NELL1: variants seen among roughly 807,000 people sequenced by gnomAD.
The protein encoded by NELL1 is neural EGFL like 1, also known as protein kinase C-binding protein NELL1.
In NELL1, 76 loss-of-function variants were observed where a neutral mutation model predicts 107.4. The observed-to-expected ratio is 0.71, with a 90% confidence interval of 0.59 to 0.86. The LOEUF is 0.86. NELL1 is among the 40% of genes least tolerant of loss of function. NELL1 has a pLI of 0.00. For synonymous variants in NELL1, 353 were observed against 341.2 expected (o/e 1.03, Z -0.38); for missense variants, 1,024 against 1,005.5 (o/e 1.02, Z -0.25).
chr11:21,250,011 G>A (rs1858597038), intron 14 of NELL1, among the ~76,000 whole-genome samples: 2 of 152,134 alleles, frequency 1.3e-5, no homozygotes, highest in African/African-American at 4.8e-5. Context: ...ATTGGATATG[G>A]TTGATTTATA....
intron 1 of NELL1, among the ~76,000 whole-genome samples, chr11:20,676,136 T>C (rs1590197182): frequency 6.6e-6 from 1 of 152,242 alleles, no homozygotes; most frequent in East Asian, 1.9e-4. Context: ...CCCAGTTTGT[T>C]CCTCGTTTGC....
In NELL1 at chr11:21,113,514, A is replaced by G. The variant is rs996498026; in HGVS notation, c.1301-75A>G. On this transcript the variant is annotated intron_variant, in intron 12 of 19. Transcript: ENST00000357134. ...CTTCTATGGACATTTATCTTTTTTAATTTATCTGCAAAATGATTACACTGT... is the reference window on the plus strand; with the variant it reads ...CTTCTATGGACATTTATCTTTTTTAGTTTATCTGCAAAATGATTACACTGT... The G allele has an allele frequency of 1.3e-5, 18 of 1,437,500 alleles. No individual in the cohort carries two copies. In the African/African-American group the frequency reaches 2.3e-4, roughly 18 times the overall value. The allele number at this position is 1,437,500 out of a possible 1,614,324, so 89.0% of individuals were successfully genotyped here.
chr11:20,700,954 T>C (rs988848495), intron 2 of NELL1, among the ~76,000 whole-genome samples: 43 of 152,324 alleles, frequency 2.8e-4, no homozygotes, highest in African/African-American at 9.9e-4. Context: ...TTGTGAATAG[T>C]GCCACAATAA....
chr11:21,050,832 A>T (rs1853474405), intron 12 of NELL1, among the ~76,000 whole-genome samples: 1 of 152,142 alleles, frequency 6.6e-6, no homozygotes, highest in African/African-American at 2.4e-5. Flanking sequence ...TCTATTCTAG[A>T]TAGCCAAGTG....
At chr11:20,952,764 A>T (rs1177637156) in intron 11 of NELL1, among the ~76,000 whole-genome samples, 1 of 152,226 alleles carries the variant, frequency 6.6e-6, no homozygotes, top group African/African-American at 2.4e-5. Context: ...ATCAAGGTCT[A>T]TGAAGCTTCC....
At chr11:20,856,936 A>G (rs1181431132) in intron 4 of NELL1, among the ~76,000 whole-genome samples, 1 of 152,162 alleles carries the variant, frequency 6.6e-6, no homozygotes, top group East Asian at 1.9e-4. Context: ...AGGTACATGG[A>G]TGTGCTTTGG....
At chr11:20,972,175 T>G (rs1163839223) in intron 12 of NELL1, among the ~76,000 whole-genome samples, 1 of 152,104 alleles carries the variant, frequency 6.6e-6, no homozygotes, top group African/African-American at 2.4e-5. Flanking sequence ...CCTGTACATA[T>G]ATCCCAGAAC....
At chr11:21,304,176 C>T (rs541644793) in intron 14 of NELL1, among the ~76,000 whole-genome samples, 4 of 152,058 alleles carry the variant, frequency 2.6e-5, no homozygotes, top group African/African-American at 7.2e-5. Flanking sequence ...ATACAAGTGT[C>T]GGGTATTCTA....
intron 13 of NELL1, among the ~76,000 whole-genome samples, chr11:21,127,715 T>C (rs899955220): frequency 2.6e-5 from 4 of 152,214 alleles, no homozygotes; most frequent in Admixed American, 1.3e-4. Context: ...ATTTATCTTA[T>C]GTCTGTTTTC....
At chr11:21,417,497 G>A (rs1245549263) in intron 15 of NELL1, among the ~76,000 whole-genome samples, 1 of 151,494 alleles carries the variant, frequency 6.6e-6, no homozygotes, top group Admixed American at 6.6e-5. Flanking sequence ...AGGATAGCTT[G>A]TTTGTCTCTC....
At chr11:21,443,368 T>G (rs757658001) in intron 15 of NELL1, among the ~76,000 whole-genome samples, 7 of 152,174 alleles carry the variant, frequency 4.6e-5, no homozygotes, top group Non-Finnish European at 7.3e-5. Flanking sequence ...GGTGGATTTA[T>G]TTAAACCATA....
At position 21,494,185 on chromosome 11, in the gene NELL1, T is replaced by A. The variant is rs551543222; in HGVS notation, c.1646-40189T>A. On this transcript the variant is annotated intron_variant, in intron 15 of 19. Coordinates refer to ENST00000357134, the MANE Select transcript of NELL1 (RefSeq NM_006157.5). ...TCTAATGTTTCTATTTTACAAAAAA[T>A]TTTTGTTTGGAAGAATTAACAAATT... Among the ~76,000 whole-genome samples the A allele has an allele frequency of 3.3e-5, 5 of 152,100 alleles. No homozygotes were observed. The East Asian group carries it at 9.6e-4, about 29-fold the overall frequency.
Position 21,046,532 on chromosome 11 carries a change from T to C in NELL1, c.1301-67057T>C, listed in dbSNP as rs1246893425. On this transcript the variant is annotated intron_variant, in intron 12 of 19. Coordinates refer to ENST00000357134, the MANE Select transcript of NELL1 (RefSeq NM_006157.5). ...TGATGAAAATGCAAAATTTATGTTA[T>C]GTCCGACTTTGTTCTTTTCTTATCA... 2.6e-5 allele frequency among the ~76,000 whole-genome samples: 4 copies of C among 152,272 alleles called. No homozygotes were observed. The South Asian group carries it at 6.2e-4, about 24-fold the overall frequency.
At chr11:21,469,846 C>T (rs1303783865) in intron 15 of NELL1, among the ~76,000 whole-genome samples, 1 of 152,012 alleles carries the variant, frequency 6.6e-6, no homozygotes, top group African/African-American at 2.4e-5. Context: ...GTATAAGTAG[C>T]ACTACGTGTT....
intron 5 of NELL1, among the ~76,000 whole-genome samples, chr11:20,910,407 T>C (rs1850101704): frequency 6.6e-6 from 1 of 152,156 alleles, no homozygotes; most frequent in African/African-American, 2.4e-5. Context: ...TCAAAATGTG[T>C]GAGTACAAAT....
At chr11:20,731,079 A>T (rs7104217) in intron 2 of NELL1, among the ~76,000 whole-genome samples, 1 of 47,012 alleles carries the variant, frequency 2.1e-5, no homozygotes, top group African/African-American at 5.1e-5. Context: ...TGTATGAGTC[A>T]GGATTCTATG....
chr11:21,290,990 A>G (rs149206696), intron 14 of NELL1, among the ~76,000 whole-genome samples: 5 of 152,322 alleles, frequency 3.3e-5, no homozygotes, highest in Admixed American at 6.5e-5. Flanking sequence ...ACAGAGAATG[A>G]GTTTCATGAA....
At chr11:20,728,706 T>A (rs1401639391) in intron 2 of NELL1, among the ~76,000 whole-genome samples, 4 of 152,196 alleles carry the variant, frequency 2.6e-5, no homozygotes, top group Non-Finnish European at 5.9e-5. Flanking sequence ...CTGTTTTGGT[T>A]ACTGTAGTCT....
intron 14 of NELL1, among the ~76,000 whole-genome samples, chr11:21,337,883 T>TTCTC (rs1565175708): frequency 6.7e-6 from 1 of 149,738 alleles, no homozygotes; most frequent in East Asian, 2.0e-4. Flanking sequence ...CTTTCTTTCT[T>TTCTC]TCAGTGCTGG....
Sources: gnomAD v4.1 joint callset for allele counts (sites outside exome capture counted in the v4.1 genomes callset) on GRCh38, gnomAD v4.1.1 for gene constraint, MANE v1.5 for transcripts, NCBI Gene and HGNC (gene_info 2026-07-23, HGNC 2026-07-21) for gene names.